Variants in NIN observed in about 807,000 individuals in gnomAD.
NIN encodes the protein glycogen synthase kinase 3 beta-interacting protein.
A neutral mutation model predicts 257.6 loss-of-function variants in NIN; 137 were observed. That is an observed-to-expected ratio of 0.53 (90% CI 0.46 to 0.61). NIN has a LOEUF of 0.61. NIN is among the 20% of genes least tolerant of loss of function. NIN has a pLI of 0.00. For synonymous variants in NIN, 918 were observed against 919.8 expected (o/e 1.00, Z 0.04); for missense variants, 2,439 against 2,501.2 (o/e 0.98, Z 0.53).
chr14:50,732,757 T>G (rs1431898026), intron 28 of NIN, among the ~76,000 whole-genome samples: 2 of 152,138 alleles, frequency 1.3e-5, no homozygotes, highest in Non-Finnish European at 2.9e-5. Flanking sequence ...AGACGGAGTC[T>G]TGCTCTGTCA....
At chr14:50,747,145 G>A (rs940704700) in intron 22 of NIN, among the ~76,000 whole-genome samples, 3 of 152,170 alleles carry the variant, frequency 2.0e-5, no homozygotes, top group African/African-American at 7.2e-5. Flanking sequence ...ATGAGCCACT[G>A]CGCCTGGCCT....
At chr14:50,723,910 A>G in intron 30 of NIN, 1 of 468,770 alleles carries the variant, frequency 2.1e-6, no homozygotes, top group Non-Finnish European at 3.8e-6. Flanking sequence ...TACTAATAGA[A>G]CAGATTGATA....
intron 15 of NIN, among the ~76,000 whole-genome samples, chr14:50,762,885 C>T (rs2042326582): frequency 6.6e-6 from 1 of 152,158 alleles, no homozygotes; most frequent in Non-Finnish European, 1.5e-5. Context: ...TGAGAAGTAA[C>T]ACCCAGGGTG....
At chr14:50,827,074 A>C (rs936856626) in intron 2 of NIN, among the ~76,000 whole-genome samples, 17 of 152,174 alleles carry the variant, frequency 1.1e-4, no homozygotes, top group African/African-American at 3.6e-4. Flanking sequence ...GAGCCTAATA[A>C]CGCCAATGAT....
rs192568699 is a variant in NIN at position 50,795,840 on chromosome 14, G to A, written c.266-2959C>T. On this transcript the variant is annotated intron_variant, in intron 4 of 30. Coordinates refer to ENST00000530997, the MANE Select transcript of NIN (RefSeq NM_020921.4). ...TATTAAATACAAAAATTAGCCAGGCGTGGCGGCTCGTGACTGTAGTCCCAG... is the reference window on the plus strand; with the variant it reads ...TATTAAATACAAAAATTAGCCAGGCATGGCGGCTCGTGACTGTAGTCCCAG... Among the ~76,000 whole-genome samples, 15 of 151,974 alleles carry A rather than the reference G, an allele frequency of 9.9e-5. No individual in the cohort carries two copies. In the East Asian group the frequency reaches 1.7e-3, roughly 18 times the overall value.
At chr14:50,770,312 C>A in intron 12 of NIN, 76 bp downstream of exon 12, 1 of 1,429,980 alleles carries the variant, frequency 7.0e-7, no homozygotes, top group Non-Finnish European at 9.6e-7. Context: ...TGCAAACATG[C>A]CCACTTCCAA....
chr14:50,824,423 G>A (rs1179163454), intron 2 of NIN, among the ~76,000 whole-genome samples: 1 of 152,122 alleles, frequency 6.6e-6, no homozygotes, highest in Non-Finnish European at 1.5e-5. Flanking sequence ...CTTGACTGAA[G>A]GGGAGACAAG....
chr14:50,778,729 C>A, intron 6 of NIN, 36 bp downstream of exon 6: 1 of 1,610,124 alleles, frequency 6.2e-7, no homozygotes, highest in Non-Finnish European at 8.5e-7. Context: ...GGCGGCCCTT[C>A]CCTTCCAGGC....
chr14:50,727,759 A>G (rs1198610420), intron 29 of NIN: 1 of 1,420,970 alleles, frequency 7.0e-7, no homozygotes, highest in Admixed American at 1.8e-5. Flanking sequence ...GGCCTAGAGA[A>G]AGAAGGCAAG....
In NIN at chr14:50,757,716, G is replaced by A. The variant is rs1483103615; in HGVS notation, c.3314C>T (p.Ser1105Phe). Residue 1105 changes from serine to phenylalanine, a missense_variant, in exon 18 of 31, where the codon TCT (serine) becomes TTT (phenylalanine). By Grantham distance (155) the Ser-to-Phe change is radical (BLOSUM62 -2). Around this residue, in one of 3 missense-constraint regions of NIN, gnomAD observed 2,043 missense variants for 2,050.2 expected, o/e 1.00. Coordinates refer to ENST00000530997, the MANE Select transcript of NIN (RefSeq NM_020921.4). The stretch of plus-strand genomic sequence containing the variant: ...AGTAGCTGGCTCATCCAAACAAGAA[G>A]ACATTACTAACCCTGGCTCTAACTT... ...LQKLEPGLVM[S>F]SCLDEPATEF... is the part of the protein sequence containing the mutation. 6.2e-7 allele frequency: 1 copy of A among 1,614,144 alleles called. No homozygotes were observed. Among genetic ancestry groups the A allele is most frequent in the South Asian group, 1.1e-5 (1 of 91,086 alleles).
chr14:50,753,933 G>T (rs937745528), intron 20 of NIN, among the ~76,000 whole-genome samples: 1 of 151,286 alleles, frequency 6.6e-6, no homozygotes, highest in Admixed American at 6.6e-5. Context: ...TATTTCAACT[G>T]GATTTTCCCA....
intron 4 of NIN, among the ~76,000 whole-genome samples, chr14:50,796,812 A>T (rs2043860308): frequency 6.6e-6 from 1 of 152,030 alleles, no homozygotes; most frequent in Non-Finnish European, 1.5e-5. Flanking sequence ...CCAGGTTTCA[A>T]GCAATACAGA....
At position 50,726,058 on chromosome 14, in the gene NIN, C is replaced by T; in HGVS notation, c.6087G>A (p.Gln2029=). 1.2e-6 allele frequency: 2 copies of T among 1,612,020 alleles called. No individual in the cohort carries two copies. The highest frequency in any genetic ancestry group is 1.7e-6 in the Non-Finnish European group (2 of 1,178,482). The change falls in exon 30 of 31, where the codon CAG becomes CAA. Residue 2029 remains glutamine, a synonymous_variant. Coordinates refer to ENST00000530997, the MANE Select transcript of NIN (RefSeq NM_020921.4). Reference sequence around the variant, plus strand: ...CCTCCATGACAGTTACCAGTTGTTCCTGGTTTCCCTGAAGGGAAGAAAAGT... The same window carrying T: ...CCTCCATGACAGTTACCAGTTGTTCTTGGTTTCCCTGAAGGGAAGAAAAGT... ...TSETNTPQGN[Q]EQLVTVMEER... is the part of the protein sequence containing the mutation.
chr14:50,767,428 A>G (rs2042532778), intron 12 of NIN, among the ~76,000 whole-genome samples: 1 of 152,244 alleles, frequency 6.6e-6, no homozygotes, highest in Non-Finnish European at 1.5e-5. Flanking sequence ...ATATGAAAAT[A>G]TTCTCAATAC....
chr14:50,752,532 G>T lies in NIN; in HGVS notation c.4936C>A (p.Arg1646Ser), dbSNP rs542083472. Reference sequence around the variant, plus strand: ...ACAGGCCATACCTGCACTTTACAACGTTCCAGTTCTTCTTTCAGATTAAAC... The same window carrying T: ...ACAGGCCATACCTGCACTTTACAACTTTCCAGTTCTTCTTTCAGATTAAAC... ...EKFNLKEELE[R>S]CKVQSSTLVS... Residue 1646 changes from arginine (R) to serine (S), a missense_variant, in exon 21 of 31, where the codon CGT becomes AGT. By Grantham distance (110) the Arg-to-Ser change is moderately radical. Coordinates refer to ENST00000530997, the MANE Select transcript of NIN (RefSeq NM_020921.4). 1 of 1,613,344 alleles carries T rather than the reference G, an allele frequency of 6.2e-7. No individual in the cohort carries two copies. Among genetic ancestry groups the T allele is most frequent in the African/African-American group, 1.3e-5 (1 of 75,010 alleles).
At chr14:50,734,559 TAAG>T (rs1245285746) in intron 28 of NIN, among the ~76,000 whole-genome samples, 2 of 152,230 alleles carry the variant, frequency 1.3e-5, no homozygotes, top group Non-Finnish European at 2.9e-5. Flanking sequence ...ATGAAATCCT[TAAG>T]AAGGATGTAC....
At chr14:50,752,450 A>T in intron 21 of NIN, 68 bp downstream of exon 21, 2 of 1,206,596 alleles carry the variant, frequency 1.7e-6, no homozygotes, top group Non-Finnish European at 2.4e-6. Context: ...AAGGAAGTTT[A>T]ATACAAACAT....
intron 2 of NIN, among the ~76,000 whole-genome samples, chr14:50,827,493 A>G (rs1290936281): frequency 1.3e-5 from 2 of 152,102 alleles, no homozygotes; most frequent in Non-Finnish European, 2.9e-5. Context: ...CATGCCTGTA[A>G]TCATAGCACT....
At chr14:50,745,782 T>C (rs1249763300) in intron 22 of NIN, among the ~76,000 whole-genome samples, 1 of 152,224 alleles carries the variant, frequency 6.6e-6, no homozygotes, top group African/African-American at 2.4e-5. Flanking sequence ...CATGTAACTT[T>C]TGCTGATGCT....
Sources: allele counts gnomAD v4.1 joint callset (sites outside exome capture counted in the v4.1 genomes callset), GRCh38; gene constraint gnomAD v4.1.1; regional missense constraint gnomAD v4.1.1; transcripts MANE v1.5; gene names NCBI Gene and HGNC (gene_info 2026-07-23, HGNC 2026-07-21).